EPHA3: variants seen among roughly 807,000 people sequenced by gnomAD.
The protein encoded by EPHA3 is EPH receptor A3, also known as ephrin type-A receptor 3.
EPHA3 carries 42 observed loss-of-function variants against 107.1 expected under a neutral mutation model. That is an observed-to-expected ratio of 0.39 (90% CI 0.31 to 0.51). The LOEUF (loss-of-function observed/expected upper bound fraction) is 0.51, where lower values mean the gene tolerates loss of function less well. Among genes scored for constraint, EPHA3 ranks in the 20% least tolerant of loss-of-function variants. EPHA3 has a pLI of 0.78. For missense variants in EPHA3, 1,183 were observed against 1,211.2 expected, an observed-to-expected ratio of 0.98 and a Z score of 0.35; for synonymous variants, 461 against 424.8, an observed-to-expected ratio of 1.09 and a Z score of -1.05.
In EPHA3 at chr3:89,121,755, C is replaced by CAA. The variant is rs11342577; in HGVS notation, c.89-5439_89-5438dup. ...CTGGCGACACAGGGAGACCCCGTCTCAAAAAAAAAAAAAAAATTATGCTTG... is the reference window on the plus strand; with the variant it reads ...CTGGCGACACAGGGAGACCCCGTCTCAAAAAAAAAAAAAAAAAATTATGCTTG... On this transcript the variant is annotated intron_variant, in intron 1 of 16. Transcript: ENST00000336596. Among the ~76,000 whole-genome samples, 127 of 133,128 alleles carry CAA rather than the reference C, an allele frequency of 9.5e-4. 1 individual carries two copies. The highest frequency in any genetic ancestry group is 3.1e-3 in the African/African-American group (113 of 36,192). 87.3% of individuals were successfully genotyped at this position (133,128 alleles called of 152,430 possible). A position where few individuals can be genotyped will look rare whatever the true frequency, so the allele number is the denominator to read the frequency against.
chr3:89,156,702 A>T (rs567810038), intron 2 of EPHA3, among the ~76,000 whole-genome samples: 3 of 152,184 alleles, frequency 2.0e-5, no homozygotes, highest in Non-Finnish European at 4.4e-5. Context: ...ATTAACCAAA[A>T]AAGTTAGTGT....
intron 13 of EPHA3, among the ~76,000 whole-genome samples, chr3:89,443,531 A>T (rs1709823244): frequency 6.6e-6 from 1 of 152,204 alleles, no homozygotes; most frequent in South Asian, 2.1e-4. Context: ...GAAAAACTAG[A>T]TTTAACTCAT....
At chr3:89,265,388 G>T (rs1444812785) in intron 3 of EPHA3, among the ~76,000 whole-genome samples, 1 of 152,058 alleles carries the variant, frequency 6.6e-6, no homozygotes, top group Non-Finnish European at 1.5e-5. Context: ...GATATAAATA[G>T]CTCTGCGTAG....
At position 89,391,736 on chromosome 3, in the gene EPHA3, T is replaced by C. The variant is rs1337168061; in HGVS notation, c.1307-4101T>C. ...GCGTGAGCCACCGCGCCCGGCCTAT[T>C]TGTATTCTCTTAAGAAATATTTCAT... On this transcript the variant is annotated intron_variant, in intron 5 of 16. Transcript: ENST00000336596. Among the ~76,000 whole-genome samples, 8 of 152,060 alleles carry C rather than the reference T, an allele frequency of 5.3e-5. 1 individual carries two copies. Among genetic ancestry groups the C allele is most frequent in the Admixed American group, 3.9e-4 (6 of 15,266 alleles).
intron 7 of EPHA3, among the ~76,000 whole-genome samples, chr3:89,404,921 C>T (rs1429531270): frequency 3.3e-5 from 5 of 152,070 alleles, no homozygotes; most frequent in Non-Finnish European, 5.9e-5. Context: ...CAAGTCACCA[C>T]TATATGTTTA....
At chr3:89,479,311 A>T (rs12631313) in intron 16 of EPHA3, 86 bp from the exon 17 acceptor site, 241,605 of 1,028,950 alleles carry the variant, frequency 0.23, 31,138 homozygotes, top group Non-Finnish European at 0.26. Flanking sequence ...CTAGAATATA[A>T]CATCGTGCAA....
intron 10 of EPHA3, among the ~76,000 whole-genome samples, chr3:89,414,450 C>G (rs769504591): frequency 3.3e-5 from 5 of 151,600 alleles, no homozygotes; most frequent in Non-Finnish European, 7.4e-5. Flanking sequence ...TGATCCAGTG[C>G]CAAAACAGAT....
Position 89,107,809 on chromosome 3 carries a change from G to A in EPHA3, c.61G>A (p.Glu21Lys), listed in dbSNP as rs141456190. 1.0e-4 allele frequency: 168 copies of A among 1,614,130 alleles called. No homozygotes were observed. Among genetic ancestry groups the A allele is most frequent in the Non-Finnish European group, 1.4e-4 (161 of 1,180,020 alleles). The stretch of plus-strand genomic sequence containing the variant: ...CTGCTCTGTTCTCGACAGCTTCGGG[G>A]AACTGATTCCGCAGCCTTCCAATGA... ...LSCSVLDSFG[E>K]LIPQPSNEVN... is the part of the protein sequence containing the mutation. The change falls in exon 1 of 17, where the codon GAA becomes AAA. Residue 21 changes from glutamate to lysine, a missense_variant. Glu to Lys is a moderately conservative substitution (Grantham distance 56). Coordinates refer to ENST00000336596, the MANE Select transcript of EPHA3 (RefSeq NM_005233.6).
At chr3:89,394,031 T>C (rs1473678316) in intron 5 of EPHA3, among the ~76,000 whole-genome samples, 1 of 152,186 alleles carries the variant, frequency 6.6e-6, no homozygotes. Context: ...TGAAAAGATA[T>C]TAATTCCTAA....
intron 3 of EPHA3, among the ~76,000 whole-genome samples, chr3:89,223,377 G>T (rs1217943387): frequency 6.6e-6 from 1 of 152,132 alleles, no homozygotes; most frequent in Non-Finnish European, 1.5e-5. Context: ...AAATGCATTG[G>T]CTTGCTTTTT....
At chr3:89,478,807 C>A (rs1455581756) in intron 16 of EPHA3, among the ~76,000 whole-genome samples, 1 of 152,186 alleles carries the variant, frequency 6.6e-6, no homozygotes, top group African/African-American at 2.4e-5. Context: ...TTTCCTAAGG[C>A]TGCCACAAGA....
chr3:89,385,407 A>G (rs760677673), intron 5 of EPHA3, among the ~76,000 whole-genome samples: 14 of 152,158 alleles, frequency 9.2e-5, no homozygotes, highest in Non-Finnish European at 1.9e-4. Context: ...TGCTGTTCTC[A>G]TCATAGTGAG....
chr3:89,415,467 AATATAT>A (rs71621548), intron 10 of EPHA3, among the ~76,000 whole-genome samples: 34 of 131,604 alleles, frequency 2.6e-4, no homozygotes, highest in Middle Eastern at 7.7e-3. Flanking sequence ...TTACAGAAAG[AATATAT>A]ATATATATAT....
intron 3 of EPHA3, among the ~76,000 whole-genome samples, chr3:89,314,057 G>A (rs1352692125): frequency 2.0e-5 from 3 of 151,754 alleles, no homozygotes; most frequent in Non-Finnish European, 4.4e-5. Flanking sequence ...CATTTGACTA[G>A]GCATCTCAAC....
rs547591452 is a variant in EPHA3, at chr3:89,341,289, A to C, written c.970+218A>C. On this transcript the variant is annotated intron_variant, in intron 4 of 16. Coordinates refer to ENST00000336596, the MANE Select transcript of EPHA3 (RefSeq NM_005233.6). ...AATTTTAAAGCACTTCCTGCAACAC[A>C]ACCCCCTGAAAGAGAGAACATTTTC... 9.2e-5 allele frequency among the ~76,000 whole-genome samples: 14 copies of C among 152,332 alleles called. No individual in the cohort carries two copies. In the East Asian group the frequency reaches 2.5e-3, roughly 27 times the overall value.
At chr3:89,371,333 A>G (rs75817470) in intron 5 of EPHA3, among the ~76,000 whole-genome samples, 2,323 of 151,808 alleles carry the variant, frequency 0.015, 44 homozygotes, top group African/African-American at 0.053. Flanking sequence ...TTTCCCTGGA[A>G]GATTACTCTC....
rs576080529 is a variant in EPHA3 at position 89,418,798 on chromosome 3, T to C, written c.1889-407T>C. 2.0e-5 allele frequency among the ~76,000 whole-genome samples: 3 copies of C among 151,564 alleles called. No homozygotes were observed. In the South Asian group the frequency reaches 6.2e-4, roughly 31 times the overall value. ...TTGGCCCTCGGTAAAAACAGAATTG[T>C]TAAAATATCTGAAATTTAATCCAAT... is the stretch of plus-strand genomic sequence containing the variant. On this transcript the variant is annotated intron_variant, in intron 10 of 16. Coordinates refer to ENST00000336596, the MANE Select transcript of EPHA3 (RefSeq NM_005233.6).
intron 5 of EPHA3, among the ~76,000 whole-genome samples, chr3:89,345,582 T>C (rs1707627208): frequency 6.7e-6 from 1 of 150,142 alleles, no homozygotes; most frequent in Non-Finnish European, 1.5e-5. Context: ...GACCTTTTCC[T>C]CCTGAACACT....
At chr3:89,390,461 A>T (rs1463529214) in intron 5 of EPHA3, among the ~76,000 whole-genome samples, 1 of 151,920 alleles carries the variant, frequency 6.6e-6, no homozygotes, top group Non-Finnish European at 1.5e-5. Flanking sequence ...TTAGCTAGGC[A>T]TGGTGGCCTT....
Sources: allele counts gnomAD v4.1 joint callset (sites outside exome capture counted in the v4.1 genomes callset), GRCh38; gene constraint gnomAD v4.1.1; transcripts MANE v1.5; gene names NCBI Gene and HGNC (gene_info 2026-07-23, HGNC 2026-07-21).